The following GRIA4 variants were observed in gnomAD, a reference collection of about 807,000 sequenced individuals.
GRIA4 encodes glutamate ionotropic receptor AMPA type subunit 4, also known as glutamate receptor 4.
In GRIA4, 34 loss-of-function variants were observed where a neutral mutation model predicts 104.0. The observed-to-expected ratio is 0.33, with a 90% CI of 0.25 to 0.44. The LOEUF is 0.44. Among genes scored for constraint, GRIA4 ranks in the 20% least tolerant of loss-of-function variants. GRIA4 has a pLI of 1.00. For synonymous variants in GRIA4, 386 were observed against 381.9 expected (o/e 1.01, Z -0.13); for missense variants, 750 against 1,096.5 (o/e 0.68, Z 4.46).
At chr11:105,624,280 A>G (rs541099075) in intron 3 of GRIA4, among the ~76,000 whole-genome samples, 68 of 152,244 alleles carry the variant, frequency 4.5e-4, no homozygotes, top group African/African-American at 1.5e-3. Context: ...TTCTAGGTGC[A>G]TATAACATTT....
intron 3 of GRIA4, among the ~76,000 whole-genome samples, chr11:105,699,211 C>T (rs1246013208): frequency 6.6e-6 from 1 of 152,150 alleles, no homozygotes; most frequent in Non-Finnish European, 1.5e-5. Context: ...TGTCCCTGTT[C>T]CCTCCTCTGT....
In GRIA4 at chr11:105,981,874, C is replaced by G. The variant is rs1219102817; in HGVS notation, c.*2135C>G. 6.5e-6 allele frequency: 1 copy of G among 152,788 alleles called. No individual in the cohort carries two copies. The highest frequency in any genetic ancestry group is 1.5e-5 in the Non-Finnish European group (1 of 68,212). The allele number at this position is 152,788 out of a possible 1,614,324, so 9.5% of individuals were successfully genotyped here. ...TCCATGGCTATCCACCACCCCCCTG[C>G]CTGTGAGACTGAGTTAGGTGCCCTT... On this transcript the variant is annotated 3_prime_UTR_variant, in exon 17 of 17. Transcript: ENST00000282499.
chr11:105,618,382 A>C (rs1403122142), intron 3 of GRIA4, among the ~76,000 whole-genome samples: 4 of 152,060 alleles, frequency 2.6e-5, no homozygotes, highest in Non-Finnish European at 4.4e-5. Context: ...TACGATTTAC[A>C]ATGATGGCTG....
At chr11:105,975,351 A>T (rs572056280) in intron 16 of GRIA4, among the ~76,000 whole-genome samples, 1 of 139,692 alleles carries the variant, frequency 7.2e-6, no homozygotes, top group Non-Finnish European at 1.6e-5. Context: ...GTCATTACAA[A>T]CTATTTTTTT....
At chr11:105,852,783 C>CGGT (rs1944862167) in intron 4 of GRIA4, among the ~76,000 whole-genome samples, 1 of 125,072 alleles carries the variant, frequency 8.0e-6, no homozygotes, top group Admixed American at 9.9e-5. Flanking sequence ...CTGCTAGGAA[C>CGGT]AGAAATTGTC....
intron 4 of GRIA4, among the ~76,000 whole-genome samples, chr11:105,776,713 A>G (rs947913095): frequency 6.6e-6 from 1 of 152,120 alleles, no homozygotes; most frequent in Non-Finnish European, 1.5e-5. Context: ...AGTCCCAAAG[A>G]TTACTGCATT....
chr11:105,682,784 C>G (rs1280599347), intron 3 of GRIA4, among the ~76,000 whole-genome samples: 1 of 152,176 alleles, frequency 6.6e-6, no homozygotes, highest in Non-Finnish European at 1.5e-5. Context: ...CAATACTAAT[C>G]TCTAGGAAAT....
intron 13 of GRIA4, among the ~76,000 whole-genome samples, chr11:105,927,537 A>G (rs145043766): frequency 6.6e-6 from 1 of 152,236 alleles, no homozygotes; most frequent in Admixed American, 6.6e-5. Flanking sequence ...TTGCAGATAA[A>G]AATTTTCCAA....
intron 3 of GRIA4, among the ~76,000 whole-genome samples, chr11:105,621,624 G>A (rs942405634): frequency 2.0e-5 from 3 of 151,334 alleles, no homozygotes; most frequent in South Asian, 2.1e-4. Flanking sequence ...CAATCTCCTC[G>A]GGATCAATAT....
At chr11:105,875,763 C>G (rs1041481814) in intron 5 of GRIA4, among the ~76,000 whole-genome samples, 7 of 151,906 alleles carry the variant, frequency 4.6e-5, no homozygotes, top group African/African-American at 1.7e-4. Context: ...GGTGATATCC[C>G]CTTTATTATT....
intron 3 of GRIA4, among the ~76,000 whole-genome samples, chr11:105,628,935 G>A (rs1591464957): frequency 6.6e-6 from 1 of 151,916 alleles, no homozygotes; most frequent in South Asian, 2.1e-4. Context: ...TTTAGAAAAC[G>A]CCATCATCTC....
At chr11:105,934,662 G>C (rs1947980125) in intron 14 of GRIA4, among the ~76,000 whole-genome samples, 1 of 152,154 alleles carries the variant, frequency 6.6e-6, no homozygotes, top group African/African-American at 2.4e-5. Context: ...TGGTTAATGA[G>C]CAAACCATTA....
chr11:105,843,238 A>C (rs2135965288), intron 4 of GRIA4, among the ~76,000 whole-genome samples: 1 of 152,302 alleles, frequency 6.6e-6, no homozygotes, highest in South Asian at 2.1e-4. Context: ...CCCAGCTGAA[A>C]AATGCTTTGA....
At chr11:105,896,431 A>C (rs1946655339) in intron 6 of GRIA4, among the ~76,000 whole-genome samples, 1 of 152,002 alleles carries the variant, frequency 6.6e-6, no homozygotes, top group Non-Finnish European at 1.5e-5. Flanking sequence ...TAGTTTAGTT[A>C]AGTCCCATGA....
At chr11:105,722,306 G>T (rs532297230) in intron 3 of GRIA4, among the ~76,000 whole-genome samples, 2 of 152,242 alleles carry the variant, frequency 1.3e-5, no homozygotes, top group African/African-American at 4.8e-5. Context: ...TTATTGTTAT[G>T]TAGGCTCATT....
intron 3 of GRIA4, among the ~76,000 whole-genome samples, chr11:105,646,917 A>C (rs1951546393): frequency 6.6e-6 from 1 of 152,198 alleles, no homozygotes; most frequent in Non-Finnish European, 1.5e-5. Flanking sequence ...AAAAGCAATT[A>C]CAACAAAAGC....
chr11:105,890,872 G>C (rs150527148), intron 6 of GRIA4, among the ~76,000 whole-genome samples: 1 of 152,172 alleles, frequency 6.6e-6, no homozygotes, highest in Admixed American at 6.5e-5. Flanking sequence ...ATGAAAGATT[G>C]CTGCGATTCT....
chr11:105,654,518 G>GCA lies in GRIA4; in HGVS notation c.247+42097_247+42098dup, dbSNP rs766129790. 1.1e-4 allele frequency among the ~76,000 whole-genome samples: 16 copies of GCA among 151,320 alleles called. No individual in the cohort carries two copies. In the East Asian group the frequency reaches 1.4e-3, roughly 13 times the overall value. ...TAATATACTGTTAACATTTTGAACT[G>GCA]CACACACACACACATAATGTTAACT... is the stretch of plus-strand genomic sequence containing the variant. On this transcript the variant is annotated intron_variant, in intron 3 of 16. Coordinates refer to ENST00000282499, the MANE Select transcript of GRIA4 (RefSeq NM_000829.4).
At chr11:105,854,070 T>C (rs772075006) in intron 4 of GRIA4, among the ~76,000 whole-genome samples, 29 of 152,212 alleles carry the variant, frequency 1.9e-4, no homozygotes, top group Non-Finnish European at 3.4e-4. Flanking sequence ...GAGTCCCTTT[T>C]AGATGCCAAG....
Sources: gnomAD v4.1 joint callset for allele counts (sites outside exome capture counted in the v4.1 genomes callset) on GRCh38, gnomAD v4.1.1 for gene constraint, MANE v1.5 for transcripts, NCBI Gene and HGNC (gene_info 2026-07-23, HGNC 2026-07-21) for gene names.